The following RANBP2 variants were observed in gnomAD, a reference collection of about 807,000 sequenced individuals.
RANBP2 encodes the protein E3 SUMO-protein ligase RanBP2.
A neutral mutation model predicts 303.6 loss-of-function variants in RANBP2; 57 were observed. The ratio of observed to expected loss-of-function variants is 0.19; its 90% CI spans 0.15 to 0.23. The LOEUF is 0.23. Ranked by LOEUF, RANBP2 falls within the 10% of genes least tolerant of loss-of-function variation. The pLI, the probability that RANBP2 is intolerant of heterozygous loss-of-function variation, is 1.00. For missense variants in RANBP2, 3,138 were observed against 3,780.8 expected, an observed-to-expected ratio of 0.83 and a Z score of 4.46; for synonymous variants, 1,167 against 1,301.5, an observed-to-expected ratio of 0.90 and a Z score of 2.23.
chr2:109,615,092 C>T, the RANBP2 span: 5 of 1,549,550 alleles, frequency 3.2e-6, no homozygotes, highest in African/African-American at 5.5e-5. Context: ...AGAGGCCGGC[C>T]CGCCAGAACC....
the RANBP2 span, among the ~76,000 whole-genome samples, chr2:108,874,318 T>C: frequency 6.6e-6 from 1 of 152,170 alleles, no homozygotes; most frequent in Non-Finnish European, 1.5e-5. Flanking sequence ...TAATTTGGAT[T>C]TTTTTATGAG....
the RANBP2 span, among the ~76,000 whole-genome samples, chr2:109,682,438 T>C: frequency 0.12 from 18,061 of 152,112 alleles, 1,601 homozygotes; most frequent in East Asian, 0.5. Flanking sequence ...GCTTTGGAAA[T>C]TTGCTCCAGC....
chr2:109,396,427 G>T, the RANBP2 span, among the ~76,000 whole-genome samples: 1 of 152,210 alleles, frequency 6.6e-6, no homozygotes, highest in Admixed American at 6.5e-5. Context: ...ACAGCCATGT[G>T]CCTGGGCCGG....
At chr2:109,518,022 C>G in the RANBP2 span, among the ~76,000 whole-genome samples, 1 of 152,224 alleles carries the variant, frequency 6.6e-6, no homozygotes, top group South Asian at 2.1e-4. Flanking sequence ...GGCTGAGGCC[C>G]TGCAGATACG....
chr2:108,942,596 T>A, the RANBP2 span, among the ~76,000 whole-genome samples: 5 of 152,256 alleles, frequency 3.3e-5, no homozygotes, highest in Non-Finnish European at 7.3e-5. Context: ...TTTGTGAGTC[T>A]GCGCTGAGTG....
At chr2:109,012,288 G>C in the RANBP2 span, among the ~76,000 whole-genome samples, 1 of 152,190 alleles carries the variant, frequency 6.6e-6, no homozygotes, top group Non-Finnish European at 1.5e-5. Flanking sequence ...AGTGGGCCAA[G>C]AGCTGCCTGG....
chr2:109,688,751 C>G, the RANBP2 span, among the ~76,000 whole-genome samples: 1 of 134,268 alleles, frequency 7.4e-6, no homozygotes, highest in Non-Finnish European at 1.5e-5. Context: ...TGCACTCCAG[C>G]CTGGGTGACG....
At chr2:109,393,969 T>G in the RANBP2 span, among the ~76,000 whole-genome samples, 1 of 151,962 alleles carries the variant, frequency 6.6e-6, no homozygotes, top group Non-Finnish European at 1.5e-5. Context: ...AGCGCTGAAA[T>G]TCCAGGGCTG....
chr2:108,827,046 A>G, the RANBP2 span, among the ~76,000 whole-genome samples: 1 of 152,216 alleles, frequency 6.6e-6, no homozygotes, highest in African/African-American at 2.4e-5. Context: ...TGGATTGTAC[A>G]TTACTAATAT....
At chr2:108,806,607 G>A in the RANBP2 span, among the ~76,000 whole-genome samples, 5 of 152,194 alleles carry the variant, frequency 3.3e-5, no homozygotes, top group East Asian at 5.8e-4. Flanking sequence ...ATCGTAATGC[G>A]AAAACAGCCA....
In RANBP2 at chr2:108,766,810, A is replaced by G. The variant is rs1466991489; in HGVS notation, c.6271A>G (p.Thr2091Ala). ...LKVCANHWIT[T>A]TMNLKPLSGS... ...AGTGTGTGCTAATCATTGGATAACG[A>G]CTACGATGAACCTGAAGCCTCTCTC... The change falls in exon 20 of 29, where the codon ACT (threonine) becomes GCT (alanine). Residue 2091 changes from threonine (T) to alanine (A), a missense_variant. Around this residue, in one of 20 missense-constraint regions of RANBP2, gnomAD observed 103 missense variants for 214.3 expected, o/e 0.48. Transcript: ENST00000283195. 1.9e-6 allele frequency: 3 copies of G among 1,612,016 alleles called. No individual in the cohort carries two copies. Among genetic ancestry groups the G allele is most frequent in the Non-Finnish European group, 2.5e-6 (3 of 1,179,872 alleles).
the RANBP2 span, among the ~76,000 whole-genome samples, chr2:109,068,042 G>GTAA: frequency 6.6e-6 from 1 of 152,212 alleles, no homozygotes; most frequent in Non-Finnish European, 1.5e-5. Context: ...ATGCTCCCCT[G>GTAA]TAAGGCTTGC....
the RANBP2 span, among the ~76,000 whole-genome samples, chr2:109,157,290 C>T: frequency 2.0e-5 from 3 of 152,200 alleles, no homozygotes; most frequent in Non-Finnish European, 4.4e-5. Context: ...ATTCCTGTCT[C>T]CTACAGTGAT....
At chr2:109,264,326 C>T in the RANBP2 span, among the ~76,000 whole-genome samples, 5 of 150,456 alleles carry the variant, frequency 3.3e-5, no homozygotes, top group South Asian at 2.1e-4. Context: ...GTGTGCTCCC[C>T]GTTCACCTCC....
chr2:108,787,779 G>C (rs1679152783), downstream of RANBP2, among the ~76,000 whole-genome samples: 1 of 151,710 alleles, frequency 6.6e-6, no homozygotes. Flanking sequence ...TCTTATAGAT[G>C]CTTCTTCGTT....
the RANBP2 span, among the ~76,000 whole-genome samples, chr2:109,096,965 A>T: frequency 6.6e-6 from 1 of 151,986 alleles, no homozygotes; most frequent in South Asian, 2.1e-4. Context: ...TCTCTAACCA[A>T]TCAGCACTCT....
chr2:109,400,884 T>A, the RANBP2 span, among the ~76,000 whole-genome samples: 1 of 152,228 alleles, frequency 6.6e-6, no homozygotes, highest in Admixed American at 6.5e-5. Flanking sequence ...CCATTGGGGC[T>A]GCTAGTGCAT....
the RANBP2 span, among the ~76,000 whole-genome samples, chr2:109,069,048 C>T: frequency 1.3e-5 from 2 of 152,104 alleles, no homozygotes; most frequent in African/African-American, 2.4e-5. Flanking sequence ...GAGCAGGTGG[C>T]CTTTAAAATA....
the RANBP2 span, among the ~76,000 whole-genome samples, chr2:109,386,797 A>G: frequency 1.3e-5 from 2 of 152,132 alleles, no homozygotes; most frequent in Non-Finnish European, 2.9e-5. Flanking sequence ...CTGAAACATC[A>G]TGCTCTTAAA....
Sources: allele counts gnomAD v4.1 joint callset (sites outside exome capture counted in the v4.1 genomes callset), GRCh38; gene constraint gnomAD v4.1.1; regional missense constraint gnomAD v4.1.1; transcripts MANE v1.5; gene names NCBI Gene and HGNC (gene_info 2026-07-23, HGNC 2026-07-21).